TMEM232: variants seen among roughly 807,000 people sequenced by gnomAD.
TMEM232 encodes transmembrane protein 232.
Under a neutral mutation model 78.8 loss-of-function variants are expected in TMEM232, and 80 were observed. The ratio of observed to expected loss-of-function variants is 1.01; its 90% confidence interval spans 0.85 to 1.22. The LOEUF (loss-of-function observed/expected upper bound fraction) is 1.22. Among genes scored for constraint, TMEM232 ranks in the 50% most tolerant of loss-of-function variants. The pLI, the probability that TMEM232 is intolerant of heterozygous loss-of-function variation, is 0.00. For synonymous variants in TMEM232, 297 were observed against 254.3 expected, an observed-to-expected ratio of 1.17 and a Z score of -1.60; for missense variants, 881 against 742.2, an observed-to-expected ratio of 1.19 and a Z score of -2.17.
At chr5:110,684,294 T>C (rs1395706151) in intron 1 of TMEM232, among the ~76,000 whole-genome samples, 1 of 151,994 alleles carries the variant, frequency 6.6e-6, no homozygotes, top group Non-Finnish European at 1.5e-5. Context: ...AATATTTACA[T>C]TAAAATCTCT....
At chr5:110,519,639 G>T (rs1456033767) in intron 12 of TMEM232, among the ~76,000 whole-genome samples, 3 of 151,906 alleles carry the variant, frequency 2.0e-5, no homozygotes, top group African/African-American at 7.2e-5. Context: ...CCAAAAGAAA[G>T]AAAATCAGTA....
chr5:110,438,189 A>AATTTT (rs2067353), intron 12 of TMEM232, among the ~76,000 whole-genome samples: 49,111 of 151,388 alleles, frequency 0.32, 13,907 homozygotes, highest in African/African-American at 0.76. Flanking sequence ...ATTTTGAGTA[A>AATTTT]ATTCAACTCC....
intron 12 of TMEM232, among the ~76,000 whole-genome samples, chr5:110,472,262 G>T (rs1334726022): frequency 1.3e-5 from 2 of 151,144 alleles, no homozygotes; most frequent in Non-Finnish European, 3.0e-5. Context: ...TGAACTATCT[G>T]AAAAAGAAAT....
intron 1 of TMEM232, among the ~76,000 whole-genome samples, chr5:110,713,970 T>A (rs963768334): frequency 6.6e-6 from 1 of 152,208 alleles, no homozygotes; most frequent in Admixed American, 6.5e-5. Flanking sequence ...TGGTCTTTAA[T>A]GGTCAGTTGA....
chr5:110,449,699 AAATT>A (rs1295428418), intron 12 of TMEM232, among the ~76,000 whole-genome samples: 2 of 152,290 alleles, frequency 1.3e-5, no homozygotes, highest in Admixed American at 6.5e-5. Flanking sequence ...GTCATTAATT[AAATT>A]AATAACTATG....
chr5:110,453,687 G>A (rs1193072829), intron 12 of TMEM232, among the ~76,000 whole-genome samples: 1 of 152,160 alleles, frequency 6.6e-6, no homozygotes, highest in Admixed American at 6.5e-5. Context: ...CCCAGTGTAC[G>A]AATTTTAGCC....
intron 8 of TMEM232, among the ~76,000 whole-genome samples, chr5:110,607,237 C>T (rs1781641767): frequency 6.6e-6 from 1 of 151,310 alleles, no homozygotes; most frequent in Admixed American, 6.6e-5. Context: ...TTTTCAAGAC[C>T]TTTTTTCATA....
At chr5:110,685,919 T>C (rs1793340771) in intron 1 of TMEM232, among the ~76,000 whole-genome samples, 1 of 152,064 alleles carries the variant, frequency 6.6e-6, no homozygotes. Flanking sequence ...TGTGATTTCA[T>C]ATATGAGAAA....
chr5:110,464,052 C>T (rs1359143422), intron 12 of TMEM232, among the ~76,000 whole-genome samples: 1 of 152,090 alleles, frequency 6.6e-6, no homozygotes, highest in Non-Finnish European at 1.5e-5. Flanking sequence ...CTTTCCTGAC[C>T]ATCCTATATA....
chr5:110,664,624 A>G (rs1487792991), intron 2 of TMEM232, among the ~76,000 whole-genome samples: 2 of 152,328 alleles, frequency 1.3e-5, no homozygotes, highest in East Asian at 3.9e-4. Context: ...TGACTTAAAC[A>G]TTTTATTTCT....
intron 1 of TMEM232, among the ~76,000 whole-genome samples, chr5:110,695,772 T>G (rs566672719): frequency 6.6e-6 from 1 of 152,288 alleles, no homozygotes; most frequent in East Asian, 1.9e-4. Flanking sequence ...AATCTCTGAA[T>G]AGACCAATAA....
At chr5:110,571,659 A>G (rs1357954737) in intron 10 of TMEM232, among the ~76,000 whole-genome samples, 4 of 151,564 alleles carry the variant, frequency 2.6e-5, no homozygotes, top group Non-Finnish European at 5.9e-5. Flanking sequence ...CCCTATCTCT[A>G]TAGTTGTTTT....
intron 12 of TMEM232, among the ~76,000 whole-genome samples, chr5:110,506,467 C>A (rs1766920188): frequency 1.3e-5 from 2 of 152,176 alleles, no homozygotes; most frequent in Admixed American, 1.3e-4. Context: ...TGTCCACACA[C>A]TGGAGTAAAA....
At chr5:110,509,933 T>C (rs1767519834) in intron 12 of TMEM232, among the ~76,000 whole-genome samples, 1 of 152,208 alleles carries the variant, frequency 6.6e-6, no homozygotes, top group Non-Finnish European at 1.5e-5. Flanking sequence ...CACAATCTTT[T>C]ATAAATTTTT....
chr5:110,570,302 A>G (rs1454908954), intron 10 of TMEM232, among the ~76,000 whole-genome samples: 1 of 151,984 alleles, frequency 6.6e-6, no homozygotes, highest in African/African-American at 2.4e-5. Context: ...TGCACTGAAC[A>G]TTTGGACTAT....
At chr5:110,460,183 C>T (rs754616430) in intron 12 of TMEM232, among the ~76,000 whole-genome samples, 18 of 152,016 alleles carry the variant, frequency 1.2e-4, no homozygotes, top group Non-Finnish European at 2.2e-4. Flanking sequence ...AATCAGTGTT[C>T]TGTGTTTATA....
chr5:110,521,121 A>G (rs1410043782), intron 12 of TMEM232, among the ~76,000 whole-genome samples: 2 of 152,078 alleles, frequency 1.3e-5, no homozygotes, highest in Non-Finnish European at 2.9e-5. Context: ...GTGGGCTGCC[A>G]GCTGGGGCAC....
chr5:110,678,009 C>T (rs943490602), intron 1 of TMEM232, among the ~76,000 whole-genome samples: 7 of 152,140 alleles, frequency 4.6e-5, no homozygotes, highest in South Asian at 4.1e-4. Flanking sequence ...TATTGATATA[C>T]GTAATGTGTG....
intron 1 of TMEM232, among the ~76,000 whole-genome samples, chr5:110,697,597 T>G (rs1419099975): frequency 1.3e-5 from 2 of 151,848 alleles, no homozygotes; most frequent in Non-Finnish European, 2.9e-5. Flanking sequence ...CAAACAAATT[T>G]ACAAGAAAAA....
Sources: gnomAD v4.1 joint callset for allele counts (sites outside exome capture counted in the v4.1 genomes callset) on GRCh38, gnomAD v4.1.1 for gene constraint, MANE v1.5 for transcripts, NCBI Gene and HGNC (gene_info 2026-07-23, HGNC 2026-07-21) for gene names.